EPHA5: variants seen among roughly 807,000 people sequenced by gnomAD.
EPHA5 encodes ephrin type-A receptor 5.
In EPHA5, 60 loss-of-function variants were observed where a neutral mutation model predicts 105.0. The observed-to-expected ratio is 0.57, with a 90% CI of 0.46 to 0.71. The LOEUF (loss-of-function observed/expected upper bound fraction) is 0.71, where lower values mean the gene tolerates loss of function less well. Ranked by LOEUF, EPHA5 falls within the 30% of genes least tolerant of loss-of-function variation. The pLI, the probability that EPHA5 is intolerant of heterozygous loss-of-function variation, is 0.00. For synonymous variants in EPHA5, 513 were observed against 449.1 expected (o/e 1.14, Z -1.80); for missense variants, 1,218 against 1,274.7 (o/e 0.96, Z 0.68).
At chr4:65,390,845 T>C (rs1720645345) in intron 8 of EPHA5, among the ~76,000 whole-genome samples, 2 of 151,898 alleles carry the variant, frequency 1.3e-5, no homozygotes, top group African/African-American at 2.4e-5. Context: ...AAAAAAGTAA[T>C]GAGAGAAACA....
chr4:65,374,229 T>G (rs976018442), intron 8 of EPHA5, among the ~76,000 whole-genome samples: 4 of 151,918 alleles, frequency 2.6e-5, no homozygotes, highest in African/African-American at 9.7e-5. Context: ...GTGCTTAAAC[T>G]TTAGGCGTCT....
At chr4:65,526,838 C>A (rs1455390353) in intron 3 of EPHA5, among the ~76,000 whole-genome samples, 1 of 151,934 alleles carries the variant, frequency 6.6e-6, no homozygotes, top group Non-Finnish European at 1.5e-5. Context: ...CATTTTCTTC[C>A]TTTTTATCTG....
chr4:65,562,156 T>A (rs1020391895), intron 3 of EPHA5, among the ~76,000 whole-genome samples: 11 of 152,116 alleles, frequency 7.2e-5, no homozygotes, highest in African/African-American at 2.7e-4. Flanking sequence ...GCATGTTATT[T>A]ATGCTACAGA....
chr4:65,326,011 T>A (rs1325666210), intron 16 of EPHA5, among the ~76,000 whole-genome samples: 1 of 144,612 alleles, frequency 6.9e-6, no homozygotes, highest in Non-Finnish European at 1.5e-5. Context: ...GATATATATA[T>A]CTCATATATA....
chr4:65,336,370 T>C (rs1348028868), intron 14 of EPHA5, among the ~76,000 whole-genome samples: 9 of 152,106 alleles, frequency 5.9e-5, no homozygotes, highest in Admixed American at 5.3e-4. Context: ...TAAATGGTAA[T>C]CATTTTTTCT....
chr4:65,373,082 T>C (rs1255756623), intron 8 of EPHA5, among the ~76,000 whole-genome samples: 2 of 151,954 alleles, frequency 1.3e-5, no homozygotes, highest in African/African-American at 2.4e-5. Context: ...TTTATTCTAA[T>C]GCTAGAGTAC....
At chr4:65,553,555 T>C (rs968082196) in intron 3 of EPHA5, among the ~76,000 whole-genome samples, 2 of 152,116 alleles carry the variant, frequency 1.3e-5, no homozygotes, top group Non-Finnish European at 2.9e-5. Flanking sequence ...ATTTAGTTTC[T>C]GATTTGTTTC....
At chr4:65,608,457 T>C (rs1297243919) in intron 2 of EPHA5, among the ~76,000 whole-genome samples, 4 of 151,738 alleles carry the variant, frequency 2.6e-5, no homozygotes, top group African/African-American at 9.7e-5. Context: ...TGAGCCGAGA[T>C]TGCGCCACTG....
At chr4:65,429,199 A>G (rs2149058336) in intron 5 of EPHA5, among the ~76,000 whole-genome samples, 1 of 152,214 alleles carries the variant, frequency 6.6e-6, no homozygotes, top group East Asian at 1.9e-4. Flanking sequence ...TATCTAGCAG[A>G]TAGCGTGGTG....
chr4:65,522,705 T>C (rs995248821), intron 3 of EPHA5, among the ~76,000 whole-genome samples: 5 of 151,996 alleles, frequency 3.3e-5, no homozygotes, highest in Non-Finnish European at 5.9e-5. Context: ...TAGTTCATGA[T>C]TGATTTATAG....
chr4:65,520,593 C>T (rs938107708), intron 3 of EPHA5, among the ~76,000 whole-genome samples: 20 of 152,134 alleles, frequency 1.3e-4, no homozygotes, highest in African/African-American at 4.1e-4. Context: ...AACAGGCAAC[C>T]TACAGAATGG....
chr4:65,371,093 T>A (rs1171721992), intron 8 of EPHA5, among the ~76,000 whole-genome samples: 2 of 152,176 alleles, frequency 1.3e-5, no homozygotes. Flanking sequence ...GATGTCTTTT[T>A]TTTCTGAATG....
intron 3 of EPHA5, among the ~76,000 whole-genome samples, chr4:65,519,206 A>T (rs1245402118): frequency 6.6e-6 from 1 of 152,006 alleles, no homozygotes; most frequent in Non-Finnish European, 1.5e-5. Flanking sequence ...TAAAAAATAA[A>T]TGTAAATGCA....
chr4:65,463,094 T>C (rs1404082010), intron 5 of EPHA5, among the ~76,000 whole-genome samples: 1 of 152,186 alleles, frequency 6.6e-6, no homozygotes, highest in African/African-American at 2.4e-5. Flanking sequence ...TAAGTATTGG[T>C]CTATATTAAA....
Position 65,465,530 on chromosome 4 carries a change from AAGAAAGGAAAGGAAG to A in EPHA5, c.1402+24832_1402+24846del, listed in dbSNP as rs1255042939. Among the ~76,000 whole-genome samples the A allele has an allele frequency of 5.1e-3, 451 of 88,298 alleles. 2 individuals carry two copies. Among genetic ancestry groups the A allele is most frequent in the Non-Finnish European group, 7.2e-3 (317 of 43,894 alleles). 57.9% of individuals were successfully genotyped at this position (88,298 alleles called of 152,430 possible). ...AAGAAAGAAAGAAAGAAAGAAAGAA[AAGAAAGGAAAGGAAG>A]GAAAGGAAGGAAAGGAAGGAAAGGA... On this transcript the variant is annotated intron_variant, in intron 5 of 16. Coordinates refer to ENST00000613740, the MANE Select transcript of EPHA5 (RefSeq NM_001281766.3).
In EPHA5 at chr4:65,601,838, C is replaced by G. The variant is rs147719164; in HGVS notation, c.713G>C (p.Arg238Pro). 1 of 1,614,066 alleles carries G rather than the reference C, an allele frequency of 6.2e-7. No individual in the cohort carries two copies. Among genetic ancestry groups the G allele is most frequent in the Non-Finnish European group, 8.5e-7 (1 of 1,179,996 alleles). The change falls in exon 3 of 17, where the codon CGA (arginine) becomes CCA (proline). Residue 238 changes from arginine to proline, a missense_variant. By Grantham distance (103) the Arg-to-Pro change is moderately radical. This residue lies in a region of EPHA5 where 971 missense variants were observed against 1,013.5 expected (regional missense o/e 0.96). Coordinates refer to ENST00000613740, the MANE Select transcript of EPHA5 (RefSeq NM_001281766.3). ...VYYKKCPSVV[R>P]HLAVFPDTIT... The stretch of plus-strand genomic sequence containing the variant: ...GGTGTCAGGGAAGACAGCCAAGTGT[C>G]GTACCACAGAAGGGCATTTTTTATA...
intron 3 of EPHA5, among the ~76,000 whole-genome samples, chr4:65,533,799 T>C (rs1468518225): frequency 6.6e-6 from 1 of 151,940 alleles, no homozygotes; most frequent in Admixed American, 6.6e-5. Context: ...CTGGGTGTGG[T>C]AGTGAGCACC....
chr4:65,446,754 A>T (rs2149097722), intron 5 of EPHA5, among the ~76,000 whole-genome samples: 1 of 152,322 alleles, frequency 6.6e-6, no homozygotes, highest in East Asian at 1.9e-4. Flanking sequence ...ATTGGGGGTC[A>T]TTGTATGATA....
intron 2 of EPHA5, among the ~76,000 whole-genome samples, chr4:65,625,096 GATA>G (rs1480240019): frequency 3.9e-5 from 6 of 152,156 alleles, no homozygotes; most frequent in Non-Finnish European, 5.9e-5. Flanking sequence ...TTAAGATTTA[GATA>G]ATAAAGGAAA....
Sources: gnomAD v4.1 joint callset for allele counts (sites outside exome capture counted in the v4.1 genomes callset) on GRCh38, gnomAD v4.1.1 for gene constraint, gnomAD v4.1.1 regional missense constraint, MANE v1.5 for transcripts, NCBI Gene and HGNC (gene_info 2026-07-23, HGNC 2026-07-21) for gene names.